FARS2: variants seen among roughly 807,000 people sequenced by gnomAD.
FARS2 encodes the protein phenylalanine--tRNA ligase, mitochondrial.
In FARS2, 40 loss-of-function variants were observed where a neutral mutation model predicts 46.4. The observed-to-expected ratio is 0.86, with a 90% CI of 0.67 to 1.12. FARS2 has a LOEUF of 1.12. Among genes scored for constraint, FARS2 ranks in the 50% most tolerant of loss-of-function variants. FARS2 has a pLI of 0.00. For synonymous variants in FARS2, 234 were observed against 214.9 expected (o/e 1.09, Z -0.78); for missense variants, 513 against 567.9 (o/e 0.90, Z 0.98).
At chr6:5,576,529 A>G (rs878937749) in intron 5 of FARS2, among the ~76,000 whole-genome samples, 3 of 150,222 alleles carry the variant, frequency 2.0e-5, no homozygotes, top group Non-Finnish European at 4.4e-5. Context: ...GTTAATATTA[A>G]TAAACTCCCC....
rs370814907 is a variant in FARS2 at position 5,545,268 on chromosome 6, C to G, written c.993C>G (p.Leu331=). The G allele has an allele frequency of 3.2e-5, 52 of 1,613,970 alleles. No individual in the cohort carries two copies. Among genetic ancestry groups the G allele is most frequent in the South Asian group, 3.1e-4 (28 of 91,076 alleles). The change falls in exon 5 of 7, where the codon CTC becomes CTG. Residue 331 remains leucine, a synonymous_variant. Transcript: ENST00000274680. The stretch of plus-strand genomic sequence containing the variant: ...TCTACGACATCCCTGATATCCGTCT[C>G]TTCTGGTGTGAGGACGAGCGCTTCC... ...MILYDIPDIR[L]FWCEDERFLK...
intron 1 of FARS2, among the ~76,000 whole-genome samples, chr6:5,339,928 G>T (rs549237137): frequency 6.6e-6 from 1 of 152,352 alleles, no homozygotes; most frequent in African/African-American, 2.4e-5. Context: ...AGGACAGAGA[G>T]CTTAAGTTTC....
chr6:5,497,712 G>C (rs993134317), intron 4 of FARS2, among the ~76,000 whole-genome samples: 3 of 151,954 alleles, frequency 2.0e-5, no homozygotes, highest in Non-Finnish European at 2.9e-5. Flanking sequence ...CCTCAATATT[G>C]TTCTGACTGA....
chr6:5,536,360 C>CAG (rs769158314), intron 4 of FARS2, among the ~76,000 whole-genome samples: 7 of 152,104 alleles, frequency 4.6e-5, no homozygotes, highest in Non-Finnish European at 1.0e-4. Context: ...TAATTTATCT[C>CAG]TTTGGTTTTA....
intron 6 of FARS2, among the ~76,000 whole-genome samples, chr6:5,684,439 G>A (rs1479044140): frequency 6.6e-6 from 1 of 152,106 alleles, no homozygotes; most frequent in Non-Finnish European, 1.5e-5. Context: ...AATTAAACTG[G>A]CATGTCATTC....
intron 4 of FARS2, among the ~76,000 whole-genome samples, chr6:5,475,844 T>C (rs898052728): frequency 6.6e-6 from 1 of 152,150 alleles, no homozygotes; most frequent in Non-Finnish European, 1.5e-5. Context: ...TGTGTCCCAG[T>C]CTCAAGTGGC....
intron 6 of FARS2, among the ~76,000 whole-genome samples, chr6:5,640,018 T>G (rs1252662991): frequency 2.6e-5 from 4 of 152,240 alleles, no homozygotes; most frequent in Non-Finnish European, 5.9e-5. Context: ...TTTTGCCATA[T>G]CTGTTCCGTT....
chr6:5,355,318 C>T (rs2127614432), intron 1 of FARS2, among the ~76,000 whole-genome samples: 1 of 151,162 alleles, frequency 6.6e-6, no homozygotes, highest in African/African-American at 2.4e-5. Context: ...TATTTTGCTT[C>T]CCTTTTACTG....
At chr6:5,393,414 T>C (rs1382070795) in intron 2 of FARS2, among the ~76,000 whole-genome samples, 3 of 152,042 alleles carry the variant, frequency 2.0e-5, no homozygotes, top group Non-Finnish European at 4.4e-5. Context: ...CCCAGCTCTT[T>C]GGGAGGCTGA....
At chr6:5,621,938 A>ATCTCCC (rs1775796933) in intron 6 of FARS2, among the ~76,000 whole-genome samples, 1 of 152,136 alleles carries the variant, frequency 6.6e-6, no homozygotes, top group Non-Finnish European at 1.5e-5. Context: ...CCCACCATAC[A>ATCTCCC]CACATTAACA....
Position 5,717,925 on chromosome 6 carries a change from T to TAGAGAGAGAGAGAGAGAGAG in FARS2, c.1218-53365_1218-53364insGAGAGAGAGAGAGAGAGAGA, listed in dbSNP as rs759754794. 1.0e-3 allele frequency among the ~76,000 whole-genome samples: 47 copies of TAGAGAGAGAGAGAGAGAGAG among 45,582 alleles called. 1 individual carries two copies. Among genetic ancestry groups the TAGAGAGAGAGAGAGAGAGAG allele is most frequent in the South Asian group, 2.6e-3 (5 of 1,944 alleles). The allele number at this position is 45,582 out of a possible 152,430, so 29.9% of individuals were successfully genotyped here. ...GGTATCAGCTATATATATATATATA[T>TAGAGAGAGAGAGAGAGAGAG]ATATATATATACAGAGTCTCACTCT... On this transcript the variant is annotated intron_variant, in intron 6 of 6. Transcript: ENST00000274680.
At chr6:5,477,253 G>A (rs1330655655) in intron 4 of FARS2, among the ~76,000 whole-genome samples, 2 of 152,164 alleles carry the variant, frequency 1.3e-5, no homozygotes, top group East Asian at 1.9e-4. Flanking sequence ...CTAGTTCTAA[G>A]AATACTTAGA....
intron 5 of FARS2, among the ~76,000 whole-genome samples, chr6:5,611,105 CAG>C (rs71716175): frequency 0.034 from 5,170 of 152,232 alleles, 278 homozygotes; most frequent in African/African-American, 0.12. Flanking sequence ...TCAAAAATGG[CAG>C]TCTCTCAGGA....
chr6:5,609,730 A>G, intron 5 of FARS2: 2 of 1,508,978 alleles, frequency 1.3e-6, no homozygotes. Flanking sequence ...CATGGTCGTC[A>G]AAAGTTACAA....
intron 3 of FARS2, among the ~76,000 whole-genome samples, chr6:5,428,807 C>T (rs1165489340): frequency 2.6e-5 from 4 of 152,176 alleles, no homozygotes; most frequent in African/African-American, 7.2e-5. Flanking sequence ...AAGTCGACTA[C>T]TCAGGGGACG....
At chr6:5,266,995 T>C (rs1581646697) in intron 1 of FARS2, among the ~76,000 whole-genome samples, 2 of 152,192 alleles carry the variant, frequency 1.3e-5, no homozygotes, top group South Asian at 4.1e-4. Flanking sequence ...ATCTGTTCTC[T>C]GTTTTGAGAA....
At chr6:5,375,315 A>G (rs560165655) in intron 2 of FARS2, among the ~76,000 whole-genome samples, 80 of 152,194 alleles carry the variant, frequency 5.3e-4, no homozygotes, top group Non-Finnish European at 9.1e-4. Context: ...TATTTGTAGT[A>G]TCAACTAAAA....
intron 6 of FARS2, among the ~76,000 whole-genome samples, chr6:5,633,619 A>C (rs1034224170): frequency 6.6e-6 from 1 of 152,182 alleles, no homozygotes; most frequent in African/African-American, 2.4e-5. Flanking sequence ...TTTTTAAAAA[A>C]TGTATAGGAT....
intron 6 of FARS2, among the ~76,000 whole-genome samples, chr6:5,638,759 C>T (rs1363984843): frequency 2.6e-5 from 4 of 152,136 alleles, no homozygotes; most frequent in Admixed American, 6.5e-5. Flanking sequence ...CTGCTCCTGA[C>T]GACTGTCTGT....
Sources: gnomAD v4.1 joint callset for allele counts (sites outside exome capture counted in the v4.1 genomes callset) on GRCh38, gnomAD v4.1.1 for gene constraint, MANE v1.5 for transcripts, NCBI Gene and HGNC (gene_info 2026-07-23, HGNC 2026-07-21) for gene names.